Variants in GRHL2 observed in about 807,000 individuals in gnomAD.
GRHL2 encodes grainyhead-like protein 2 homolog.
In GRHL2, 21 loss-of-function variants were observed where a neutral mutation model predicts 83.8. The ratio of observed to expected loss-of-function variants is 0.25; its 90% CI spans 0.18 to 0.36. The LOEUF (loss-of-function observed/expected upper bound fraction) is 0.36, where lower values mean the gene tolerates loss of function less well. Ranked by LOEUF, GRHL2 falls within the 10% of genes least tolerant of loss-of-function variation. The pLI, the probability that GRHL2 is intolerant of heterozygous loss-of-function variation, is 1.00. For missense variants in GRHL2, 623 were observed against 781.8 expected (o/e 0.80, Z 2.42); for synonymous variants, 280 against 278.9 (o/e 1.00, Z -0.04).
rs567451005 is a variant in GRHL2, at chr8:101,669,165, G to A, written c.*2462G>A. On this transcript the variant is annotated 3_prime_UTR_variant, in exon 16 of 16. Transcript: ENST00000646743. ...CTCCAAAGAGATAGGAAAACTTGCCGCCTCTTCTTTTTTGTCCCTTAATCA... is the reference window on the plus strand; with the variant it reads ...CTCCAAAGAGATAGGAAAACTTGCCACCTCTTCTTTTTTGTCCCTTAATCA... The A allele has an allele frequency of 6.6e-6, 1 of 150,934 alleles. No homozygotes were observed. The allele number at this position is 150,934 out of a possible 1,614,324, so 9.3% of individuals were successfully genotyped here.
chr8:101,553,966 C>T (rs773168940), intron 3 of GRHL2, among the ~76,000 whole-genome samples: 2 of 152,162 alleles, frequency 1.3e-5, no homozygotes, highest in Non-Finnish European at 2.9e-5. Context: ...ATCAATAAAT[C>T]TCTTCCCCTG....
chr8:101,672,880 G>A (rs1814232361), downstream of GRHL2, among the ~76,000 whole-genome samples: 1 of 151,908 alleles, frequency 6.6e-6, no homozygotes, highest in Non-Finnish European at 1.5e-5. Flanking sequence ...CAAGCCAGAA[G>A]AGAGTGGGGG....
intron 1 of GRHL2, among the ~76,000 whole-genome samples, chr8:101,506,945 ACTAC>A (rs1482859275): frequency 2.6e-5 from 4 of 152,016 alleles, no homozygotes; most frequent in African/African-American, 9.7e-5. Context: ...TACCCTGGCT[ACTAC>A]CTATGATTGT....
intron 7 of GRHL2, among the ~76,000 whole-genome samples, chr8:101,578,732 C>T (rs1205387056): frequency 6.6e-6 from 1 of 152,164 alleles, no homozygotes. Flanking sequence ...ATTACTGAGC[C>T]TTGCAAAGGA....
intron 8 of GRHL2, among the ~76,000 whole-genome samples, chr8:101,607,382 G>T (rs1440480650): frequency 6.6e-6 from 1 of 152,214 alleles, no homozygotes; most frequent in African/African-American, 2.4e-5. Context: ...ACACTCCTGA[G>T]TGCCCTGTGG....
At position 101,636,994 on chromosome 8, in the gene GRHL2, C is replaced by T. The variant is rs191641315; in HGVS notation, c.1517+66C>T. The T allele has an allele frequency of 9.2e-4, 1,280 of 1,397,418 alleles. 11 individuals carry two copies. In the African/African-American group the frequency reaches 0.014, roughly 15 times the overall value. The allele number at this position is 1,397,418 out of a possible 1,614,324, so 86.6% of individuals were successfully genotyped here. ...CTCATGTCAGTGGTAATGGCTCTTC[C>T]AGCACTTGGTAACCCTAGGCAGGAA... On this transcript the variant is annotated intron_variant, in intron 12 of 15. Coordinates refer to ENST00000646743, the MANE Select transcript of GRHL2 (RefSeq NM_024915.4).
chr8:101,643,369 CAAAAAAAAAAAAAA>C (rs56301334), intron 12 of GRHL2, among the ~76,000 whole-genome samples: 3 of 96,988 alleles, frequency 3.1e-5, no homozygotes, highest in African/African-American at 7.2e-5. Flanking sequence ...CTGTTTCTCT[CAAAAAAAAAAAAAA>C]AAAAAAAAAA....
chr8:101,607,116 T>C (rs992200478), intron 8 of GRHL2, among the ~76,000 whole-genome samples: 1 of 152,230 alleles, frequency 6.6e-6, no homozygotes, highest in African/African-American at 2.4e-5. Flanking sequence ...CTTCCCTCTA[T>C]CTCTCTTCCG....
intron 1 of GRHL2, chr8:101,529,099 G>C (rs555916404): frequency 7.9e-6 from 3 of 379,810 alleles, no homozygotes; most frequent in African/African-American, 2.2e-5. Flanking sequence ...GATTTCTATG[G>C]GGCTTTGTTT....
rs1373850227 is a variant in GRHL2, at chr8:101,669,588, T to TTG, written c.*2886_*2887insGT. On this transcript the variant is annotated 3_prime_UTR_variant, in exon 16 of 16. Transcript: ENST00000646743. ...GATATATGTACAATTTGCTCTCATGTTTTAAAAAAAAAAAGGTAAATGTAA... is the reference window on the plus strand; with the variant it reads ...GATATATGTACAATTTGCTCTCATGTTGTTTAAAAAAAAAAAGGTAAATGTAA... 7.3e-6 allele frequency: 1 copy of TTG among 136,816 alleles called. No homozygotes were observed. Among genetic ancestry groups the TTG allele is most frequent in the African/African-American group, 2.7e-5 (1 of 36,606 alleles). The allele number at this position is 136,816 out of a possible 1,614,324, so 8.5% of individuals were successfully genotyped here.
chr8:101,652,561 G>GTGA (rs1813688354), intron 14 of GRHL2, among the ~76,000 whole-genome samples: 103 of 66,854 alleles, frequency 1.5e-3, no homozygotes, highest in African/African-American at 7.0e-3. Context: ...TGTATGTGTG[G>GTGA]TGGTGTGTGT....
At chr8:101,612,513 A>T (rs575343301) in intron 8 of GRHL2, among the ~76,000 whole-genome samples, 1 of 128,178 alleles carries the variant, frequency 7.8e-6, no homozygotes, top group South Asian at 2.5e-4. Flanking sequence ...AGATAGATAG[A>T]TAGATAGATA....
chr8:101,610,528 A>T (rs1812726765), intron 8 of GRHL2, among the ~76,000 whole-genome samples: 1 of 150,856 alleles, frequency 6.6e-6, no homozygotes. Flanking sequence ...CAGCTGAGAG[A>T]CTAGGTGTCT....
chr8:101,588,881 C>T lies in GRHL2; in HGVS notation c.1004-10176C>T, dbSNP rs539257026. On this transcript the variant is annotated intron_variant, in intron 7 of 15. Transcript: ENST00000646743. ...CTCTTGCCAATAATATAAAATACCA[C>T]CACTTCAGAAACAGTTCAGTTTCCT... 5.3e-5 allele frequency among the ~76,000 whole-genome samples: 8 copies of T among 152,254 alleles called. No homozygotes were observed. The South Asian group carries it at 1.7e-3, about 32-fold the overall frequency.
At chr8:101,522,043 T>C (rs931977923) in intron 1 of GRHL2, among the ~76,000 whole-genome samples, 3 of 152,166 alleles carry the variant, frequency 2.0e-5, no homozygotes, top group Non-Finnish European at 2.9e-5. Flanking sequence ...CTGTTTGTAA[T>C]TTTGGTTTTG....
the GRHL2 span, among the ~76,000 whole-genome samples, chr8:101,676,671 G>T: frequency 2.0e-5 from 3 of 152,090 alleles, no homozygotes. Context: ...CAGGGATCTA[G>T]AACTAGAAAT....
At chr8:101,494,876 T>G (rs1325613557) in intron 1 of GRHL2, among the ~76,000 whole-genome samples, 1 of 152,228 alleles carries the variant, frequency 6.6e-6, no homozygotes, top group African/African-American at 2.4e-5. Flanking sequence ...TAATGAACGT[T>G]GCTTTTATCT....
rs1311907146 is a variant in GRHL2, at chr8:101,558,414, C to T, written c.285-5C>T. The T allele has an allele frequency of 1.2e-6, 2 of 1,613,954 alleles. No individual in the cohort carries two copies. Among genetic ancestry groups the T allele is most frequent in the Non-Finnish European group, 1.7e-6 (2 of 1,180,034 alleles). The stretch of plus-strand genomic sequence containing the variant: ...TATCATGTTGCGGGGGGTTTCAACA[C>T]ACAGAAACTGCCTTGGCACCAGTGA... On this transcript the variant is annotated splice_region_variant and splice_polypyrimidine_tract_variant and intron_variant, in intron 3 of 15. Coordinates refer to ENST00000646743, the MANE Select transcript of GRHL2 (RefSeq NM_024915.4).
downstream of GRHL2, among the ~76,000 whole-genome samples, chr8:101,674,517 G>A (rs1814261498): frequency 6.6e-6 from 1 of 152,104 alleles, no homozygotes; most frequent in South Asian, 2.1e-4. Context: ...GGAAGAAGTT[G>A]AATCTCTGAA....
Sources: allele counts gnomAD v4.1 joint callset (sites outside exome capture counted in the v4.1 genomes callset), GRCh38; gene constraint gnomAD v4.1.1; transcripts MANE v1.5; gene names NCBI Gene and HGNC (gene_info 2026-07-23, HGNC 2026-07-21).